Variants in PCDHGA9 observed in about 807,000 individuals in gnomAD.
PCDHGA9 encodes the protein protocadherin gamma subfamily A, 9.
A neutral mutation model predicts 62.5 loss-of-function variants in PCDHGA9; 37 were observed. That is an observed-to-expected ratio of 0.59 (90% CI 0.46 to 0.78). The LOEUF (loss-of-function observed/expected upper bound fraction) is 0.78, where lower values mean the gene tolerates loss of function less well. Ranked by LOEUF, PCDHGA9 falls within the 30% of genes least tolerant of loss-of-function variation. The pLI is 0.00. For missense variants in PCDHGA9, 1,138 were observed against 1,166.2 expected (o/e 0.98, Z 0.35); for synonymous variants, 459 against 484.6 (o/e 0.95, Z 0.69).
At chr5:141,421,619 C>T (rs778666303) in intron 1 of PCDHGA9, 2 of 1,613,694 alleles carry the variant, frequency 1.2e-6, no homozygotes, top group South Asian at 1.1e-5. Flanking sequence ...AATGATAACG[C>T]CCCCAGCTTC....
chr5:141,505,577 G>A lies in PCDHGA9; in HGVS notation c.2572+96G>A, dbSNP rs537948666. 8.2e-6 allele frequency: 13 copies of A among 1,589,854 alleles called. No homozygotes were observed. The African/African-American group carries it at 1.1e-4, about 13-fold the overall frequency. Reference sequence around the variant, plus strand: ...TGCCCACGGACTGGATGTCAAACCTGTGTAGTTTCTCCAGATCTTTCGGCA... The same window carrying A: ...TGCCCACGGACTGGATGTCAAACCTATGTAGTTTCTCCAGATCTTTCGGCA... On this transcript the variant is annotated intron_variant, in intron 3 of 3. Coordinates refer to ENST00000573521, the MANE Select transcript of PCDHGA9 (RefSeq NM_018921.3).
Position 141,486,314 on chromosome 5 carries a change from T to C in PCDHGA9, c.2425-8493T>C, listed in dbSNP as rs775833520. The C allele has an allele frequency of 4.5e-5, 72 of 1,613,758 alleles. No homozygotes were observed. The highest frequency in any genetic ancestry group is 5.9e-5 in the Non-Finnish European group (70 of 1,179,984). On this transcript the variant is annotated intron_variant, in intron 1 of 3. Transcript: ENST00000573521. This position sits in a 1 kb window ranked among gnomAD's most constrained non-coding sequence, Gnocchi z 5.0. ...CAGTGTGCAGGATCCAGACTCAGGG[T>C]CAAACGGAGATGTGAGCCTCCGCAT...
intron 1 of PCDHGA9, chr5:141,478,331 G>C: frequency 6.2e-7 from 1 of 1,613,956 alleles, no homozygotes; most frequent in Non-Finnish European, 8.5e-7. Context: ...CCGAACACCA[G>C]GGCCCTCCTT....
At chr5:141,446,296 G>A (rs2098497546) in intron 1 of PCDHGA9, among the ~76,000 whole-genome samples, 1 of 152,160 alleles carries the variant, frequency 6.6e-6, no homozygotes, top group Non-Finnish European at 1.5e-5. Context: ...GGGGAGCAGG[G>A]ATTAAGAGTG....
chr5:141,403,121 C>T lies in PCDHGA9; in HGVS notation c.169C>T (p.Arg57Trp), dbSNP rs2094357954. 6.2e-7 allele frequency: 1 copy of T among 1,614,046 alleles called. No individual in the cohort carries two copies. The highest frequency in any genetic ancestry group is 8.5e-7 in the Non-Finnish European group (1 of 1,179,902). Reference sequence around the variant, plus strand: ...CTCCAAGGACCTGGCTCTGGAGCCCCGGGAGCTGGCGGAGCGCCGAGTCCG... The same window carrying T: ...CTCCAAGGACCTGGCTCTGGAGCCCTGGGAGCTGGCGGAGCGCCGAGTCCG... The part of the protein sequence containing the change: ...NISKDLALEP[R>W]ELAERRVRIV... The change falls in exon 1 of 4, where the codon CGG becomes TGG. Residue 57 changes from arginine to tryptophan, a missense_variant. Arg to Trp is a moderately radical substitution (Grantham distance 101). Transcript: ENST00000573521.
At chr5:141,466,022 T>C (rs1053231186) in intron 1 of PCDHGA9, among the ~76,000 whole-genome samples, 4 of 151,628 alleles carry the variant, frequency 2.6e-5, no homozygotes, top group African/African-American at 9.7e-5. Flanking sequence ...CTCGGGAGGG[T>C]GAGGCAGGAG....
chr5:141,503,304 A>G (rs946582779), intron 2 of PCDHGA9, among the ~76,000 whole-genome samples: 1 of 152,150 alleles, frequency 6.6e-6, no homozygotes, highest in African/African-American at 2.4e-5. Flanking sequence ...ATTGCTCAAG[A>G]AAGAATTGTT....
In PCDHGA9 at chr5:141,432,272, G is replaced by A. The variant is rs772255343; in HGVS notation, c.2424+26896G>A. On this transcript the variant is annotated intron_variant, in intron 1 of 3. Transcript: ENST00000573521. The surrounding 1 kb of genome is among the most constrained non-coding windows in gnomAD (Gnocchi z 6.0). ...CCAAGGGGCAAGCCTATCGTCCTAC[G>A]TGTCCATCAACTCCGACACTGGGGT... 1 of 1,614,210 alleles carries A rather than the reference G, an allele frequency of 6.2e-7. No individual in the cohort carries two copies. Among genetic ancestry groups the A allele is most frequent in the South Asian group, 1.1e-5 (1 of 91,086 alleles).
rs1299607088 is a variant in PCDHGA9 at position 141,472,933 on chromosome 5, C to T, written c.2425-21874C>T. ...CCCAAGAGGAGGAGGTTGTGGTGAG[C>T]CAAGATTATGCCATTGCACTCCAGC... On this transcript the variant is annotated intron_variant, in intron 1 of 3. Coordinates refer to ENST00000573521, the MANE Select transcript of PCDHGA9 (RefSeq NM_018921.3). Among the ~76,000 whole-genome samples, 4 of 143,758 alleles carry T rather than the reference C, an allele frequency of 2.8e-5. No individual in the cohort carries two copies. In the Admixed American group the frequency reaches 2.9e-4, roughly 10 times the overall value. 94.3% of individuals were successfully genotyped at this position (143,758 alleles called of 152,430 possible). A position where few individuals can be genotyped will look rare whatever the true frequency, so the allele number is the denominator to read the frequency against.
rs1303365585 is a variant in PCDHGA9 at position 141,511,350 on chromosome 5, C to A, written c.*177C>A. 2.1e-5 allele frequency: 30 copies of A among 1,397,076 alleles called. No individual in the cohort carries two copies. Among genetic ancestry groups the A allele is most frequent in the African/African-American group, 1.7e-4 (12 of 68,780 alleles). The allele number at this position is 1,397,076 out of a possible 1,614,324, so 86.5% of individuals were successfully genotyped here. Reference sequence around the variant, plus strand: ...CCCAGTCAGCACCTACCCCTTCCCCCCCAGGGGGTTGAATATGCAAAAGCA... The same window carrying A: ...CCCAGTCAGCACCTACCCCTTCCCCACCAGGGGGTTGAATATGCAAAAGCA... On this transcript the variant is annotated 3_prime_UTR_variant, in exon 4 of 4. Transcript: ENST00000573521.
At chr5:141,419,796 T>A in intron 1 of PCDHGA9, 1 of 1,614,026 alleles carries the variant, frequency 6.2e-7, no homozygotes. Flanking sequence ...CTAGTCGCTG[T>A]AAGAGATGGA....
At chr5:141,423,228 CA>C in intron 1 of PCDHGA9, 1 of 1,613,866 alleles carries the variant, frequency 6.2e-7, no homozygotes, top group Non-Finnish European at 8.5e-7. Flanking sequence ...CTGTGGCCGA[CA>C]GCATCCCCGA....
intron 1 of PCDHGA9, among the ~76,000 whole-genome samples, chr5:141,454,170 G>A (rs2098782662): frequency 6.6e-6 from 1 of 152,162 alleles, no homozygotes; most frequent in Admixed American, 6.5e-5. Context: ...TCTCTAGAAG[G>A]GCAGCTAAAG....
In PCDHGA9 at chr5:141,491,696, G is replaced by A; in HGVS notation, c.2425-3111G>A. The A allele has an allele frequency of 6.2e-7, 1 of 1,612,390 alleles. No individual in the cohort carries two copies. The highest frequency in any genetic ancestry group is 8.5e-7 in the Non-Finnish European group (1 of 1,179,286). ...CGCTCTAATACGCTGCGGGAGCGGA[G>A]CCAGGTGAGGGGCTCGGCGCCGCCC... On this transcript the variant is annotated intron_variant, in intron 1 of 3. Coordinates refer to ENST00000573521, the MANE Select transcript of PCDHGA9 (RefSeq NM_018921.3). This position sits in a 1 kb window ranked among gnomAD's most constrained non-coding sequence, Gnocchi z 6.9.
intron 1 of PCDHGA9, chr5:141,421,286 T>G: frequency 6.2e-7 from 1 of 1,613,284 alleles, no homozygotes; most frequent in Non-Finnish European, 8.5e-7. Flanking sequence ...CTGTGCATTT[T>G]CCTGGGGACG....
At chr5:141,415,189 A>G (rs575244490) in intron 1 of PCDHGA9, 2 of 1,613,958 alleles carry the variant, frequency 1.2e-6, no homozygotes, top group Non-Finnish European at 1.7e-6. Context: ...GGCCGACAGC[A>G]TCCCCCAAGT....
chr5:141,484,374 T>C (rs1261372490), intron 1 of PCDHGA9, among the ~76,000 whole-genome samples: 1 of 152,186 alleles, frequency 6.6e-6, no homozygotes, highest in Non-Finnish European at 1.5e-5. Context: ...CACTAGCAAA[T>C]GTCTGAATAA....
rs1240258760 is a variant in PCDHGA9 at position 141,423,933 on chromosome 5, GAAGT to G, written c.2424+18562_2424+18565del. On this transcript the variant is annotated intron_variant, in intron 1 of 3. Coordinates refer to ENST00000573521, the MANE Select transcript of PCDHGA9 (RefSeq NM_018921.3). The stretch of plus-strand genomic sequence containing the variant: ...CCATTCAACTATGCTGGTTTGGTTT[GAAGT>G]AAGTTGAATTTTAGTATTATTTTTC... 5 of 1,226,500 alleles carry G rather than the reference GAAGT, an allele frequency of 4.1e-6. No homozygotes were observed. The African/African-American group carries it at 7.9e-5, about 19-fold the overall frequency. The allele number at this position is 1,226,500 out of a possible 1,614,324, so 76.0% of individuals were successfully genotyped here. A position where few individuals can be genotyped will look rare whatever the true frequency, so the allele number is the denominator to read the frequency against.
rs1289513674 is a variant in PCDHGA9 at position 141,432,063 on chromosome 5, A to T, written c.2424+26687A>T. On this transcript the variant is annotated intron_variant, in intron 1 of 3. Coordinates refer to ENST00000573521, the MANE Select transcript of PCDHGA9 (RefSeq NM_018921.3). The surrounding 1 kb of genome is among the most constrained non-coding windows in gnomAD (Gnocchi z 6.0). ...CGGGGAACCCCGCCCCTATCCACGG[A>T]AACTCATATCTCGCTGAACGTGGCA... The T allele has an allele frequency of 8.7e-6, 14 of 1,614,134 alleles. No individual in the cohort carries two copies. The highest frequency in any genetic ancestry group is 1.2e-5 in the Non-Finnish European group (14 of 1,180,028).
Sources: gnomAD v4.1 joint callset for allele counts (sites outside exome capture counted in the v4.1 genomes callset) on GRCh38, gnomAD v4.1.1 for gene constraint, Gnocchi (gnomAD v3.1) non-coding constraint, MANE v1.5 for transcripts, NCBI Gene and HGNC (gene_info 2026-07-23, HGNC 2026-07-21) for gene names.